Variants in AJAP1 observed in about 807,000 individuals in gnomAD.
The protein encoded by AJAP1 is adherens junction-associated protein 1.
A neutral mutation model predicts 35.0 loss-of-function variants in AJAP1; 5 were observed. That is an observed-to-expected ratio of 0.14 (90% CI 0.07 to 0.30). The LOEUF is 0.30. AJAP1 is among the 10% of genes least tolerant of loss of function. The pLI is 1.00. For synonymous variants in AJAP1, 284 were observed against 249.3 expected (o/e 1.14, Z -1.31); for missense variants, 586 against 571.0 (o/e 1.03, Z -0.27).
intron 2 of AJAP1, among the ~76,000 whole-genome samples, chr1:4,756,682 A>G (rs1267741771): frequency 6.6e-6 from 1 of 152,186 alleles, no homozygotes; most frequent in Non-Finnish European, 1.5e-5. Context: ...GTGCAAGAAG[A>G]GTGCAGATGC....
Position 4,712,289 on chromosome 1 carries a change from C to T in AJAP1, c.419C>T (p.Ala140Val), listed in dbSNP as rs769708403. ...TCTTCGTCCTCGTCCTCGTCCTCCG[C>T]GGTGGCCGGTGGGGCCCCGGAGCAG... is the stretch of plus-strand genomic sequence containing the variant. Reference protein sequence around the residue: ...LASSSSSSSSAVAGGAPEQQA... With the variant: ...LASSSSSSSSVVAGGAPEQQA... The change falls in exon 2 of 6, where the codon GCG becomes GTG. Residue 140 changes from alanine to valine, a missense_variant. Coordinates refer to ENST00000378191, the MANE Select transcript of AJAP1 (RefSeq NM_018836.4). The T allele has an allele frequency of 3.9e-5, 58 of 1,499,470 alleles. No individual in the cohort carries two copies. In the South Asian group the frequency reaches 6.6e-4, roughly 17 times the overall value. The allele number at this position is 1,499,470 out of a possible 1,614,324, so 92.9% of individuals were successfully genotyped here.
chr1:4,680,940 C>G (rs1163797745), intron 1 of AJAP1, among the ~76,000 whole-genome samples: 2 of 152,052 alleles, frequency 1.3e-5, no homozygotes, highest in Non-Finnish European at 2.9e-5. Flanking sequence ...AATATATGAG[C>G]TAAATAATAG....
At chr1:4,729,083 A>C (rs1186695472) in intron 2 of AJAP1, among the ~76,000 whole-genome samples, 2 of 152,228 alleles carry the variant, frequency 1.3e-5, no homozygotes, top group African/African-American at 4.8e-5. Context: ...TGGAAAAAAA[A>C]TCATTGAAAT....
chr1:4,666,025 G>A (rs545725134), intron 1 of AJAP1, among the ~76,000 whole-genome samples: 51 of 152,328 alleles, frequency 3.3e-4, no homozygotes, highest in African/African-American at 1.1e-3. Flanking sequence ...AGCACTGGTG[G>A]TGAGTGTGCT....
intron 2 of AJAP1, among the ~76,000 whole-genome samples, chr1:4,729,795 T>G (rs1570165806): frequency 6.6e-6 from 1 of 152,110 alleles, no homozygotes; most frequent in African/African-American, 2.4e-5. Context: ...CATTTGGGGG[T>G]GCATAATTCA....
At chr1:4,742,140 G>A (rs1641081933) in intron 2 of AJAP1, among the ~76,000 whole-genome samples, 1 of 152,192 alleles carries the variant, frequency 6.6e-6, no homozygotes. Context: ...TTCATCTCCA[G>A]TTATCTCCCA....
intron 1 of AJAP1, among the ~76,000 whole-genome samples, chr1:4,705,594 A>T (rs1299997754): frequency 2.0e-5 from 3 of 151,246 alleles, no homozygotes; most frequent in South Asian, 2.1e-4. Context: ...TGTTGAGAGC[A>T]GGTGCCCTGG....
At chr1:4,716,526 G>T (rs1235808633) in intron 2 of AJAP1, among the ~76,000 whole-genome samples, 1 of 152,082 alleles carries the variant, frequency 6.6e-6, no homozygotes, top group African/African-American at 2.4e-5. Flanking sequence ...TGAGGATGAT[G>T]GTGGTGATGG....
intron 1 of AJAP1, among the ~76,000 whole-genome samples, chr1:4,702,606 C>A (rs1640013027): frequency 6.6e-6 from 1 of 152,178 alleles, no homozygotes; most frequent in African/African-American, 2.4e-5. Flanking sequence ...TGTCATGGTC[C>A]CTTCCGTCTG....
chr1:4,750,554 G>A (rs1263082655), intron 2 of AJAP1, among the ~76,000 whole-genome samples: 1 of 151,964 alleles, frequency 6.6e-6, no homozygotes. Flanking sequence ...AGCAGGGCTG[G>A]AGGTGAGGTG....
At position 4,720,726 on chromosome 1, in the gene AJAP1, A is replaced by G. The variant is rs1446370684; in HGVS notation, c.829+8027A>G. 6.6e-6 allele frequency among the ~76,000 whole-genome samples: 1 copy of G among 152,204 alleles called. No homozygotes were observed. The highest frequency in any genetic ancestry group is 1.5e-5 in the Non-Finnish European group (1 of 68,040). On this transcript the variant is annotated intron_variant, in intron 2 of 5. Transcript: ENST00000378191. This position sits in a 1 kb window ranked among gnomAD's most constrained non-coding sequence, Gnocchi z 4.4. ...ACCTCACCGGTGGCTCTGCCAGGGT[A>G]ATCGAATGGTGTTTGTGGTGGGAAA...
chr1:4,772,214 C>G, intron 3 of AJAP1, 66 bp from the exon 4 acceptor site: 1 of 1,596,868 alleles, frequency 6.3e-7, no homozygotes, highest in South Asian at 1.1e-5. Context: ...CAGTGGAAGT[C>G]TGGAGTTGTG....
At chr1:4,701,573 G>T (rs544738369) in intron 1 of AJAP1, among the ~76,000 whole-genome samples, 7 of 152,296 alleles carry the variant, frequency 4.6e-5, no homozygotes, top group African/African-American at 1.4e-4. Flanking sequence ...CTGGTCTTTT[G>T]TGGTGGAGTC....
At chr1:4,682,300 A>G (rs974377544) in intron 1 of AJAP1, among the ~76,000 whole-genome samples, 9 of 152,182 alleles carry the variant, frequency 5.9e-5, no homozygotes. Context: ...TAGCTCCCTG[A>G]TCTCAAGCCT....
chr1:4,727,576 C>T (rs1361195174), intron 2 of AJAP1, among the ~76,000 whole-genome samples: 1 of 152,192 alleles, frequency 6.6e-6, no homozygotes, highest in Non-Finnish European at 1.5e-5. Flanking sequence ...TGCTGGGGAC[C>T]ACGTCCCTGA....
chr1:4,667,921 C>A (rs1193512615), intron 1 of AJAP1, among the ~76,000 whole-genome samples: 1 of 152,120 alleles, frequency 6.6e-6, no homozygotes, highest in Non-Finnish European at 1.5e-5. Context: ...CTAAAGAATG[C>A]CGTTAGGGTA....
chr1:4,740,665 A>G (rs1413773947), intron 2 of AJAP1, among the ~76,000 whole-genome samples: 2 of 151,162 alleles, frequency 1.3e-5, no homozygotes, highest in African/African-American at 4.9e-5. Context: ...GGGCGCCTGT[A>G]GTCCCAGCTA....
At chr1:4,714,441 C>T (rs1442222764) in intron 2 of AJAP1, among the ~76,000 whole-genome samples, 2 of 152,212 alleles carry the variant, frequency 1.3e-5, no homozygotes, top group African/African-American at 2.4e-5. Flanking sequence ...CTTACTGTCA[C>T]CTCCTCTGTA....
At chr1:4,689,199 G>A (rs915243411) in intron 1 of AJAP1, among the ~76,000 whole-genome samples, 7 of 152,112 alleles carry the variant, frequency 4.6e-5, no homozygotes, top group East Asian at 3.9e-4. Flanking sequence ...CGACGTCCTC[G>A]CCCCAAAAGA....
Sources: gnomAD v4.1 joint callset for allele counts (sites outside exome capture counted in the v4.1 genomes callset) on GRCh38, gnomAD v4.1.1 for gene constraint, Gnocchi (gnomAD v3.1) non-coding constraint, MANE v1.5 for transcripts, NCBI Gene and HGNC (gene_info 2026-07-23, HGNC 2026-07-21) for gene names.